Variants in RELL1 observed in about 807,000 individuals in gnomAD.
The protein encoded by RELL1 is RELT like 1, also known as RELT-like protein 1.
RELL1 carries 10 observed loss-of-function variants against 23.0 expected under a neutral mutation model. The observed-to-expected ratio is 0.43, with a 90% CI of 0.27 to 0.74. The LOEUF (loss-of-function observed/expected upper bound fraction) is 0.74. RELL1 is among the 30% of genes least tolerant of loss of function. RELL1 has a pLI of 0.19. For synonymous variants in RELL1, 146 were observed against 146.8 expected, an observed-to-expected ratio of 0.99 and a Z score of 0.04; for missense variants, 315 against 364.4, an observed-to-expected ratio of 0.86 and a Z score of 1.10.
At chr4:37,622,492 T>C (rs1279307027) in intron 6 of RELL1, among the ~76,000 whole-genome samples, 2 of 152,254 alleles carry the variant, frequency 1.3e-5, no homozygotes, top group Admixed American at 6.5e-5. Flanking sequence ...GCATTTCTTA[T>C]ATTTCAGTTC....
intron 1 of RELL1, among the ~76,000 whole-genome samples, chr4:37,666,153 A>T (rs1721523265): frequency 6.6e-6 from 1 of 152,188 alleles, no homozygotes; most frequent in Non-Finnish European, 1.5e-5. Flanking sequence ...ATCATTTCTT[A>T]TCTCTACAAC....
chr4:37,665,213 C>T lies in RELL1; in HGVS notation c.89-15713G>A, dbSNP rs1218273414. The T allele has an allele frequency of 8.8e-6, 4 of 456,008 alleles. No individual in the cohort carries two copies. The Admixed American group carries it at 9.4e-5, about 11-fold the overall frequency. 28.2% of individuals were successfully genotyped at this position (456,008 alleles called of 1,614,324 possible). A position where few individuals can be genotyped will look rare whatever the true frequency, so the allele number is the denominator to read the frequency against. Reference sequence around the variant, plus strand: ...ATCCAGTGTACTTACACCCCATTTGCCAAATGCCAACAGTTTTTACAAACA... The same window carrying T: ...ATCCAGTGTACTTACACCCCATTTGTCAAATGCCAACAGTTTTTACAAACA... On this transcript the variant is annotated intron_variant, in intron 1 of 6. Coordinates refer to ENST00000454158, the MANE Select transcript of RELL1 (RefSeq NM_001085400.2).
downstream of RELL1, chr4:37,588,649 A>G (rs1052943769): frequency 2.4e-5 from 13 of 533,846 alleles, no homozygotes; most frequent in African/African-American, 1.9e-4. Context: ...TGAACGTTTG[A>G]GAACTCTGAA....
chr4:37,598,904 C>T (rs1239887917), intron 6 of RELL1, among the ~76,000 whole-genome samples: 1 of 152,064 alleles, frequency 6.6e-6, no homozygotes, highest in Non-Finnish European at 1.5e-5. Context: ...AGGCTGGTCT[C>T]GAACTCCTGA....
rs565988363 is a variant in RELL1, at chr4:37,631,707, C to A, written c.681-184G>T. On this transcript the variant is annotated intron_variant, in intron 5 of 6. Transcript: ENST00000454158. ...GTACATTCCCCTGGCCCCTGCCCAA[C>A]CTTCCAGCTGATTTCTACTCAGCCA... 5.3e-5 allele frequency among the ~76,000 whole-genome samples: 8 copies of A among 152,278 alleles called. No homozygotes were observed. The East Asian group carries it at 1.2e-3, about 22-fold the overall frequency.
At chr4:37,662,461 G>A (rs1329588579) in intron 1 of RELL1, among the ~76,000 whole-genome samples, 2 of 151,880 alleles carry the variant, frequency 1.3e-5, no homozygotes, top group Admixed American at 6.6e-5. Flanking sequence ...TGGACAAAAA[G>A]GGAACAGGAC....
At chr4:37,587,354 G>T (rs1420093977), downstream of RELL1, among the ~76,000 whole-genome samples, 1 of 152,124 alleles carries the variant, frequency 6.6e-6, no homozygotes, top group African/African-American at 2.4e-5. Flanking sequence ...TAGGTTCCAG[G>T]GATTAGGATG....
chr4:37,671,640 C>T (rs931510468), intron 1 of RELL1, among the ~76,000 whole-genome samples: 4 of 152,212 alleles, frequency 2.6e-5, no homozygotes, highest in Non-Finnish European at 5.9e-5. Context: ...TCACCCTCTT[C>T]CTGGAAAACT....
chr4:37,673,741 CCT>C (rs1305646044), intron 1 of RELL1, among the ~76,000 whole-genome samples: 1 of 152,126 alleles, frequency 6.6e-6, no homozygotes, highest in Non-Finnish European at 1.5e-5. Flanking sequence ...AGCACAGGGC[CCT>C]GTCTCCTTTC....
At chr4:37,604,916 C>G (rs373967463) in intron 6 of RELL1, among the ~76,000 whole-genome samples, 2,385 of 36,322 alleles carry the variant, frequency 0.066, 214 homozygotes, top group African/African-American at 0.13. Flanking sequence ...CACACACACA[C>G]ACAGACACAC....
In RELL1 at chr4:37,598,078, A is replaced by AATATATATATATATATATATAT. The variant is rs138367525; in HGVS notation, c.*4-6862_*4-6861insATATATATATATATATATATAT. ...ATGATATGTAATATATATATATCAT[A>AATATATATATATATATATATAT]ATATATATATATATATAACTCCTCC... On this transcript the variant is annotated intron_variant, in intron 6 of 6. Coordinates refer to the RELL1 transcript ENST00000314117. 2.4e-3 allele frequency among the ~76,000 whole-genome samples: 307 copies of AATATATATATATATATATATAT among 126,704 alleles called. 2 individuals are homozygous for AATATATATATATATATATATAT. The highest frequency in any genetic ancestry group is 5.4e-3 in the South Asian group (21 of 3,862). The allele number at this position is 126,704 out of a possible 152,430, so 83.1% of individuals were successfully genotyped here. A position where few individuals can be genotyped will look rare whatever the true frequency, so the allele number is the denominator to read the frequency against.
chr4:37,633,408 CAAA>C (rs57256942), intron 5 of RELL1, among the ~76,000 whole-genome samples: 9 of 62,998 alleles, frequency 1.4e-4, no homozygotes, highest in East Asian at 3.5e-4. Context: ...GACTCCACCT[CAAA>C]AAAAAAAAAA....
rs1320024643 is a variant in RELL1, at chr4:37,612,354, A to G, written c.*992T>C. ...AAAAAAAAAACAAAAAAAAACAAAA[A>G]ACCGGGTGCAGTGGCCCACGCCTAT... On this transcript the variant is annotated 3_prime_UTR_variant, in exon 7 of 7. Coordinates refer to ENST00000454158, the MANE Select transcript of RELL1 (RefSeq NM_001085400.2). Among the ~76,000 whole-genome samples the G allele has an allele frequency of 1.4e-5, 2 of 147,686 alleles. No individual in the cohort carries two copies. Among genetic ancestry groups the G allele is most frequent in the African/African-American group, 5.0e-5 (2 of 39,946 alleles).
chr4:37,643,767 C>T (rs4832928), intron 3 of RELL1, among the ~76,000 whole-genome samples: 44,897 of 152,034 alleles, frequency 0.3, 6,768 homozygotes, highest in East Asian at 0.42. Flanking sequence ...GTCTCAAAGC[C>T]GAACTCAAAC....
downstream of RELL1, among the ~76,000 whole-genome samples, chr4:37,605,793 G>GAGAGAGAGAGAAAGAAAGAAAGAA (rs1269670059): frequency 1.2e-4 from 11 of 90,398 alleles, no homozygotes; most frequent in East Asian, 1.1e-3. Context: ...GAGAAAGAAA[G>GAGAGAGAGAGAAAGAAAGAAAGAA]AGAAAGAAAG....
At chr4:37,642,924 G>A (rs541315556) in intron 3 of RELL1, among the ~76,000 whole-genome samples, 10 of 152,318 alleles carry the variant, frequency 6.6e-5, no homozygotes, top group Middle Eastern at 3.4e-3. Flanking sequence ...AAAGCTCTGC[G>A]CCCCACCCCA....
chr4:37,606,432 C>T (rs568690349), downstream of RELL1, among the ~76,000 whole-genome samples: 1 of 152,312 alleles, frequency 6.6e-6, no homozygotes, highest in East Asian at 1.9e-4. This position sits in a 1 kb window ranked among gnomAD's most constrained non-coding sequence, Gnocchi z 4.1. Flanking sequence ...GAAGTCCTAC[C>T]TTCTGAGACC....
chr4:37,642,484 C>A (rs1416077051), intron 3 of RELL1, among the ~76,000 whole-genome samples: 1 of 152,218 alleles, frequency 6.6e-6, no homozygotes, highest in Non-Finnish European at 1.5e-5. Flanking sequence ...GCCGTACATC[C>A]AACCCTTTGG....
chr4:37,643,827 G>A (rs1313146373), intron 3 of RELL1, among the ~76,000 whole-genome samples: 1 of 152,214 alleles, frequency 6.6e-6, no homozygotes, highest in African/African-American at 2.4e-5. Context: ...TTATCACCAG[G>A]CTGTGGTTTT....
Sources: allele counts gnomAD v4.1 joint callset (sites outside exome capture counted in the v4.1 genomes callset), GRCh38; gene constraint gnomAD v4.1.1; non-coding constraint Gnocchi (gnomAD v3.1); transcripts MANE v1.5; gene names NCBI Gene and HGNC (gene_info 2026-07-23, HGNC 2026-07-21).